The following AGBL1 variants were observed in gnomAD, a reference collection of about 807,000 sequenced individuals.
The protein encoded by AGBL1 is AGBL carboxypeptidase 1, also known as cytosolic carboxypeptidase 4.
In AGBL1, 130 loss-of-function variants were observed where a neutral mutation model predicts 118.9. That is an observed-to-expected ratio of 1.09 (90% CI 0.95 to 1.26). The LOEUF (loss-of-function observed/expected upper bound fraction) is 1.26. Among genes scored for constraint, AGBL1 ranks in the 50% most tolerant of loss-of-function variants. AGBL1 has a pLI of 0.00. For synonymous variants in AGBL1, 555 were observed against 478.9 expected, an observed-to-expected ratio of 1.16 and a Z score of -2.08; for missense variants, 1,584 against 1,298.1, an observed-to-expected ratio of 1.22 and a Z score of -3.38.
chr15:86,307,251 G>T (rs974770068), intron 17 of AGBL1, among the ~76,000 whole-genome samples: 6 of 151,844 alleles, frequency 4.0e-5, no homozygotes, highest in African/African-American at 1.5e-4. Context: ...CATTTGTCTG[G>T]TTTGTCTATT....
chr15:86,731,542 T>C (rs972772070), intron 22 of AGBL1, among the ~76,000 whole-genome samples: 34 of 152,220 alleles, frequency 2.2e-4, no homozygotes, highest in Non-Finnish European at 4.1e-4. Flanking sequence ...GCTTTGTTCT[T>C]CTGGGATTCT....
chr15:86,855,509 A>G (rs2141468325), intron 22 of AGBL1, among the ~76,000 whole-genome samples: 1 of 152,288 alleles, frequency 6.6e-6, no homozygotes, highest in East Asian at 1.9e-4. Flanking sequence ...CATGGCATCC[A>G]CGTGGGAGAA....
Position 86,408,882 on chromosome 15 carries a change from C to A in AGBL1, c.2555+11336C>A, listed in dbSNP as rs150187952. ...TACAATTTTTCCTCACTTTCTCCTG[C>A]CCTCACTGGAAAAAAAGTAGGGGTG... On this transcript the variant is annotated intron_variant, in intron 18 of 22. Coordinates refer to ENST00000614907, the MANE Select transcript of AGBL1 (RefSeq NM_001386094.1). Among the ~76,000 whole-genome samples, 235 of 152,106 alleles carry A rather than the reference C, an allele frequency of 1.5e-3. 1 individual carries two copies. The highest frequency in any genetic ancestry group is 5.5e-3 in the African/African-American group (228 of 41,512).
intron 23 of AGBL1, among the ~76,000 whole-genome samples, chr15:86,952,811 A>G (rs2141672990): frequency 6.6e-6 from 1 of 152,276 alleles, no homozygotes; most frequent in Admixed American, 6.5e-5. Context: ...TTAGAGTTTG[A>G]GGTCTCACAT....
At chr15:86,296,245 A>G (rs1336593518) in intron 17 of AGBL1, 1 of 152,120 alleles carries the variant, frequency 6.6e-6, no homozygotes, top group Non-Finnish European at 1.5e-5. Context: ...AAACAAAAAA[A>G]AAACACCCAA....
chr15:86,090,906 G>T (rs1895978422), intron 1 of AGBL1, among the ~76,000 whole-genome samples: 1 of 152,032 alleles, frequency 6.6e-6, no homozygotes, highest in South Asian at 2.1e-4. Flanking sequence ...ACACATTTAT[G>T]GCTTTAAAAT....
chr15:86,719,031 G>T (rs962917947), intron 22 of AGBL1, among the ~76,000 whole-genome samples: 1 of 151,994 alleles, frequency 6.6e-6, no homozygotes, highest in Non-Finnish European at 1.5e-5. Flanking sequence ...CCATTCAGTA[G>T]TCTCCCTTTT....
chr15:86,499,942 A>C (rs1027030742), intron 18 of AGBL1, among the ~76,000 whole-genome samples: 1 of 151,826 alleles, frequency 6.6e-6, no homozygotes, highest in South Asian at 2.1e-4. Context: ...TCATAGCATC[A>C]GGGAAGTCAC....
At chr15:86,229,458 C>A (rs1486198833) in intron 6 of AGBL1, among the ~76,000 whole-genome samples, 1 of 152,112 alleles carries the variant, frequency 6.6e-6, no homozygotes, top group African/African-American at 2.4e-5. Context: ...AGGGTAACTG[C>A]CCCCGTGATT....
chr15:86,916,763 G>A (rs1184091480), downstream of AGBL1, among the ~76,000 whole-genome samples: 1 of 152,106 alleles, frequency 6.6e-6, no homozygotes, highest in Non-Finnish European at 1.5e-5. Context: ...GTGCTGGCGG[G>A]GCCTGCAGAG....
chr15:86,919,607 C>T (rs1343165701), downstream of AGBL1, among the ~76,000 whole-genome samples: 2 of 151,666 alleles, frequency 1.3e-5, no homozygotes, highest in East Asian at 1.9e-4. Context: ...CACACACACA[C>T]ACACACCCGA....
chr15:86,483,906 G>T (rs2082683056), intron 18 of AGBL1, among the ~76,000 whole-genome samples: 1 of 152,082 alleles, frequency 6.6e-6, no homozygotes, highest in Non-Finnish European at 1.5e-5. Context: ...GAAGCTTCTT[G>T]CTATTTTAGC....
intron 21 of AGBL1, among the ~76,000 whole-genome samples, chr15:86,663,044 T>C (rs1299118542): frequency 6.6e-6 from 1 of 152,230 alleles, no homozygotes; most frequent in Non-Finnish European, 1.5e-5. Context: ...TTAGGATTGA[T>C]ATTCCACTGA....
At chr15:86,817,620 C>A (rs1030619401) in intron 22 of AGBL1, among the ~76,000 whole-genome samples, 2 of 142,424 alleles carry the variant, frequency 1.4e-5, no homozygotes. Context: ...GAAAAAGAGA[C>A]AGGCATACAC....
intron 22 of AGBL1, among the ~76,000 whole-genome samples, chr15:86,881,269 T>TG (rs1248383527): frequency 1.1e-4 from 16 of 152,232 alleles, no homozygotes; most frequent in African/African-American, 3.9e-4. Flanking sequence ...GAAACTTTTC[T>TG]TTTTTCAAAA....
intron 1 of AGBL1, among the ~76,000 whole-genome samples, chr15:86,109,043 T>C (rs2141531293): frequency 6.6e-6 from 1 of 152,300 alleles, no homozygotes; most frequent in Admixed American, 6.5e-5. Flanking sequence ...TCCTTCTCTT[T>C]TTTGATTAAA....
At chr15:86,110,420 A>G (rs1897303440) in intron 1 of AGBL1, among the ~76,000 whole-genome samples, 1 of 151,620 alleles carries the variant, frequency 6.6e-6, no homozygotes, top group South Asian at 2.1e-4. Flanking sequence ...ATTAAAAATC[A>G]TAAGAAAGAA....
chr15:86,619,875 C>T (rs1044056629), intron 21 of AGBL1, among the ~76,000 whole-genome samples: 1 of 152,180 alleles, frequency 6.6e-6, no homozygotes, highest in African/African-American at 2.4e-5. Context: ...TGTACATGCA[C>T]ACGCAGAGAG....
chr15:86,112,644 A>C (rs8027956), intron 1 of AGBL1, among the ~76,000 whole-genome samples: 33,823 of 152,086 alleles, frequency 0.22, 3,925 homozygotes, highest in East Asian at 0.29. Flanking sequence ...GTACATTTTA[A>C]AGGCTTTTGA....
Sources: allele counts gnomAD v4.1 joint callset (sites outside exome capture counted in the v4.1 genomes callset), GRCh38; gene constraint gnomAD v4.1.1; transcripts MANE v1.5; gene names NCBI Gene and HGNC (gene_info 2026-07-23, HGNC 2026-07-21).